MYO9B: variants seen among roughly 807,000 people sequenced by gnomAD.
The protein encoded by MYO9B is myosin IXB.
A neutral mutation model predicts 229.5 loss-of-function variants in MYO9B; 71 were observed. That is an observed-to-expected ratio of 0.31 (90% CI 0.26 to 0.38). MYO9B has a LOEUF of 0.38. MYO9B is among the 10% of genes least tolerant of loss of function. MYO9B has a pLI of 1.00. For missense variants in MYO9B, 2,255 were observed against 2,920.5 expected (o/e 0.77, Z 5.25); for synonymous variants, 1,185 against 1,235.8 (o/e 0.96, Z 0.86).
At chr19:17,140,290 C>A (rs928965221) in intron 2 of MYO9B, among the ~76,000 whole-genome samples, 1 of 152,136 alleles carries the variant, frequency 6.6e-6, no homozygotes, top group Non-Finnish European at 1.5e-5. Flanking sequence ...AAGGCTCTGG[C>A]AGATTTGGTG....
chr19:17,187,917 C>T lies in MYO9B; in HGVS notation c.2578-18C>T. The T allele has an allele frequency of 6.4e-7, 1 of 1,561,582 alleles. No individual in the cohort carries two copies. The stretch of plus-strand genomic sequence containing the variant: ...CAGGTCAAGGCCACCTGCCTGATGT[C>T]TCGCATTCCCATTTCAGAAAGAGCT... On this transcript the variant is annotated intron_variant, in intron 18 of 39. Coordinates refer to ENST00000682292, the MANE Select transcript of MYO9B (RefSeq NM_004145.4).
intron 2 of MYO9B, among the ~76,000 whole-genome samples, chr19:17,107,672 T>C (rs1370455512): frequency 6.6e-6 from 1 of 152,194 alleles, no homozygotes; most frequent in African/African-American, 2.4e-5. Context: ...GCTGCAGATG[T>C]GCCCTGGCCT....
chr19:17,172,837 C>T lies in MYO9B; in HGVS notation c.2014C>T (p.Arg672Trp). 1 of 1,611,766 alleles carries T rather than the reference C, an allele frequency of 6.2e-7. No homozygotes were observed. Among genetic ancestry groups the T allele is most frequent in the Non-Finnish European group, 8.5e-7 (1 of 1,179,820 alleles). ...LLRGSDSSYV[R>W]ELIGMDPVAV... Reference sequence around the variant, plus strand: ...GCGGGGCAGTGACAGCTCCTACGTGCGGGAGCTCATCGGCATGGACCCCGT... The same window carrying T: ...GCGGGGCAGTGACAGCTCCTACGTGTGGGAGCTCATCGGCATGGACCCCGT... The change falls in exon 13 of 40, where the codon CGG becomes TGG. Residue 672 changes from arginine (R) to tryptophan (W), a missense_variant. Physicochemically the swap from Arg to Trp is moderately radical, Grantham distance 101. This residue lies in a region of MYO9B where 220 missense variants were observed against 404.5 expected (regional missense o/e 0.54). Transcript: ENST00000682292. The surrounding 1 kb of genome is among the most constrained non-coding windows in gnomAD (Gnocchi z 8.2).
At chr19:17,176,083 G>A (rs1341263245) in intron 14 of MYO9B, among the ~76,000 whole-genome samples, 1 of 152,158 alleles carries the variant, frequency 6.6e-6, no homozygotes, top group Admixed American at 6.5e-5. Context: ...AGGCTGGAGT[G>A]CAGTGGCGTG....
intron 3 of MYO9B, among the ~76,000 whole-genome samples, chr19:17,150,637 G>A (rs8111205): frequency 0.29 from 41,066 of 140,294 alleles, 10,388 homozygotes; most frequent in East Asian, 0.39. Flanking sequence ...AGCCCCAGCT[G>A]GTGCGAAAGG....
intron 10 of MYO9B, among the ~76,000 whole-genome samples, chr19:17,165,107 T>C (rs1262241252): frequency 1.3e-5 from 2 of 152,184 alleles, no homozygotes; most frequent in Admixed American, 1.3e-4. Flanking sequence ...TGGCCTCAAG[T>C]GATCCTCCCA....
At position 17,197,854 on chromosome 19, in the gene MYO9B, C is replaced by T. The variant is rs764736684; in HGVS notation, c.4109C>T (p.Ala1370Val). Residue 1370 changes from alanine to valine, a missense_variant, in exon 23 of 40, where the codon GCT becomes GTT. By Grantham distance (64) the Ala-to-Val change is moderately conservative. This residue lies in a region of MYO9B where 679 missense variants were observed against 770.2 expected (regional missense o/e 0.88). Coordinates refer to ENST00000682292, the MANE Select transcript of MYO9B (RefSeq NM_004145.4). The stretch of plus-strand genomic sequence containing the variant: ...AAGCTCCTCCCGTCCCTGGCCAAGG[C>T]TCAGGTAACAACAACACGGCAAAAC... ...VSKLLPSLAK[A>V]QPAAETTDGE... 7 of 1,613,196 alleles carry T rather than the reference C, an allele frequency of 4.3e-6. No homozygotes were observed. The highest frequency in any genetic ancestry group is 3.3e-5 in the South Asian group (3 of 91,060).
At chr19:17,182,911 G>A (rs2072876893) in intron 15 of MYO9B, among the ~76,000 whole-genome samples, 1 of 152,056 alleles carries the variant, frequency 6.6e-6, no homozygotes, top group Non-Finnish European at 1.5e-5. Context: ...TCGGCCAAAA[G>A]AGCAGCTTTG....
chr19:17,077,734 C>T (rs1170601035), intron 1 of MYO9B, among the ~76,000 whole-genome samples: 1 of 152,156 alleles, frequency 6.6e-6, no homozygotes, highest in East Asian at 1.9e-4. Context: ...CCCCAGCTCC[C>T]GGCCTTGAAC....
rs2073037014 is a variant in MYO9B at position 17,195,874 on chromosome 19, G to A, written c.4046+401G>A. ...CTGAGCCTTAGTAAGCCAAGTGTCA[G>A]TGACTTGGAATCTCCAGCTCCCTCT... On this transcript the variant is annotated intron_variant, in intron 22 of 39. Transcript: ENST00000682292. The surrounding 1 kb of genome is among the most constrained non-coding windows in gnomAD (Gnocchi z 4.5). Among the ~76,000 whole-genome samples, 1 of 152,032 alleles carries A rather than the reference G, an allele frequency of 6.6e-6. No homozygotes were observed. The highest frequency in any genetic ancestry group is 2.4e-5 in the African/African-American group (1 of 41,402).
At chr19:17,184,676 A>G in intron 16 of MYO9B, 189 bp from the exon 17 acceptor site, 1 of 629,564 alleles carries the variant, frequency 1.6e-6, no homozygotes, top group Non-Finnish European at 2.6e-6. Flanking sequence ...GCTGTGTGCA[A>G]GGTGCAAACC....
At chr19:17,191,060 T>C in intron 19 of MYO9B, 37 bp from the exon 20 acceptor site, 1 of 1,599,674 alleles carries the variant, frequency 6.3e-7, no homozygotes, top group South Asian at 1.1e-5. Context: ...GCCAGAACAC[T>C]CACCTAGATT....
At position 17,172,003 on chromosome 19, in the gene MYO9B, C is replaced by G. The variant is rs1188021511; in HGVS notation, c.1794-333C>G. 2.0e-5 allele frequency among the ~76,000 whole-genome samples: 3 copies of G among 152,158 alleles called. No homozygotes were observed. Among genetic ancestry groups the G allele is most frequent in the Non-Finnish European group, 4.4e-5 (3 of 68,008 alleles). ...AGAGCGTCACTTCACCCTCAGCCTC[C>G]TTGTACCAGGCTGCAGCTATGCCAG... On this transcript the variant is annotated intron_variant, in intron 11 of 39. Coordinates refer to ENST00000682292, the MANE Select transcript of MYO9B (RefSeq NM_004145.4). The surrounding 1 kb of genome is among the most constrained non-coding windows in gnomAD (Gnocchi z 8.2).
chr19:17,195,569 T>C lies in MYO9B; in HGVS notation c.4046+96T>C, dbSNP rs2145462650. 1.4e-6 allele frequency: 2 copies of C among 1,432,266 alleles called. No homozygotes were observed. Among genetic ancestry groups the C allele is most frequent in the South Asian group, 1.3e-5 (1 of 78,786 alleles). 88.7% of individuals were successfully genotyped at this position (1,432,266 alleles called of 1,614,324 possible). ...ACACATCCTGGAAACACATGTGTAA[T>C]CATGCCCAGTGGGTGTGCGGGAGGC... On this transcript the variant is annotated intron_variant, in intron 22 of 39. Coordinates refer to ENST00000682292, the MANE Select transcript of MYO9B (RefSeq NM_004145.4). This position sits in a 1 kb window ranked among gnomAD's most constrained non-coding sequence, Gnocchi z 4.5.
At chr19:17,105,684 G>A (rs1029101426) in intron 2 of MYO9B, among the ~76,000 whole-genome samples, 3 of 152,072 alleles carry the variant, frequency 2.0e-5, no homozygotes, top group Admixed American at 6.6e-5. Flanking sequence ...TTGACCTCTC[G>A]CCTCTTGTTA....
At chr19:17,205,234 C>G (rs767917256) in intron 30 of MYO9B, 29 bp from the exon 31 acceptor site, 1 of 1,608,374 alleles carries the variant, frequency 6.2e-7, no homozygotes, top group Non-Finnish European at 8.5e-7. Context: ...CCAGCACCCT[C>G]TGTGACTCCC....
rs115873016 is a variant in MYO9B, at chr19:17,166,080, T to A, written c.1672-1863T>A. Among the ~76,000 whole-genome samples the A allele has an allele frequency of 4.3e-3, 649 of 152,232 alleles. 1 individual carries two copies. Among genetic ancestry groups the A allele is most frequent in the African/African-American group, 0.014 (599 of 41,532 alleles). On this transcript the variant is annotated intron_variant, in intron 10 of 39. Transcript: ENST00000682292. ...TTTCTTGAGGCAGAGTCTTGCCCTG[T>A]CATTCAGGCCGGAGTGCAATGGTGC...
At chr19:17,143,975 C>A (rs1288822644) in intron 2 of MYO9B, among the ~76,000 whole-genome samples, 3 of 151,830 alleles carry the variant, frequency 2.0e-5, no homozygotes, top group Non-Finnish European at 4.4e-5. Context: ...GGCTTAGTAC[C>A]TGGGTGACAA....
rs557552603 is a variant in MYO9B, at chr19:17,154,172, C to T, written c.1098+106C>T. 2.0e-4 allele frequency: 271 copies of T among 1,333,210 alleles called. 3 individuals carry two copies. The South Asian group carries it at 2.3e-3, about 11-fold the overall frequency. The allele number at this position is 1,333,210 out of a possible 1,614,324, so 82.6% of individuals were successfully genotyped here. A position where few individuals can be genotyped will look rare whatever the true frequency, so the allele number is the denominator to read the frequency against. On this transcript the variant is annotated intron_variant, in intron 5 of 39. Transcript: ENST00000682292. ...GGCAGCCTGCCCTGGCCCCCGAACC[C>T]GCTCCCAGAAGGCAGCATTAAAAGA... is the stretch of plus-strand genomic sequence containing the variant.
Sources: gnomAD v4.1 joint callset for allele counts (sites outside exome capture counted in the v4.1 genomes callset) on GRCh38, gnomAD v4.1.1 for gene constraint, gnomAD v4.1.1 regional missense constraint, Gnocchi (gnomAD v3.1) non-coding constraint, MANE v1.5 for transcripts, NCBI Gene and HGNC (gene_info 2026-07-23, HGNC 2026-07-21) for gene names.